The following TEC variants were observed in gnomAD, a reference collection of about 807,000 sequenced individuals.
The protein encoded by TEC is tyrosine-protein kinase Tec.
In TEC, 72 loss-of-function variants were observed where a neutral mutation model predicts 93.0. The ratio of observed to expected loss-of-function variants is 0.77; its 90% CI spans 0.64 to 0.94. The LOEUF (loss-of-function observed/expected upper bound fraction) is 0.94, where lower values mean the gene tolerates loss of function less well. TEC is among the 40% of genes least tolerant of loss of function. The pLI is 0.00. For synonymous variants in TEC, 249 were observed against 247.7 expected (o/e 1.01, Z -0.05); for missense variants, 630 against 757.9 (o/e 0.83, Z 1.98).
intron 1 of TEC, among the ~76,000 whole-genome samples, chr4:48,232,650 T>A (rs564991530): frequency 7.2e-5 from 11 of 152,360 alleles, no homozygotes; most frequent in Non-Finnish European, 1.5e-4. Context: ...CAGCCAAAGA[T>A]AGAGTGTTGA....
intron 1 of TEC, among the ~76,000 whole-genome samples, chr4:48,255,234 G>A (rs1258898246): frequency 2.0e-5 from 3 of 152,028 alleles, no homozygotes; most frequent in Non-Finnish European, 2.9e-5. Flanking sequence ...CTTGTATTGC[G>A]GCTTCCTCCA....
chr4:48,237,298 T>C (rs1179077256), intron 1 of TEC, among the ~76,000 whole-genome samples: 1 of 149,508 alleles, frequency 6.7e-6, no homozygotes, highest in African/African-American at 2.5e-5. Context: ...TCAGCCTGGG[T>C]GTTGGAGTAA....
intron 2 of TEC, 97 bp from the exon 3 acceptor site, chr4:48,176,283 G>A (rs1037361574): frequency 1.2e-6 from 1 of 827,218 alleles, no homozygotes; most frequent in Non-Finnish European, 1.9e-6. Context: ...TCAAAATATT[G>A]CAATTTCTTT....
At chr4:48,160,885 G>A (rs1242754081) in intron 8 of TEC, among the ~76,000 whole-genome samples, 4 of 150,318 alleles carry the variant, frequency 2.7e-5, no homozygotes, top group East Asian at 2.0e-4. Flanking sequence ...CAAAAGCAGC[G>A]GGTTGAAAAG....
chr4:48,204,404 A>G (rs1185755329), intron 2 of TEC, among the ~76,000 whole-genome samples: 1 of 152,076 alleles, frequency 6.6e-6, no homozygotes, highest in Non-Finnish European at 1.5e-5. Flanking sequence ...AGCCCACCCT[A>G]TGTGACTCCA....
rs1156626405 is a variant in TEC at position 48,252,333 on chromosome 4, T to TAA, written c.-46+17418_-46+17419insTT. Among the ~76,000 whole-genome samples, 7 of 152,372 alleles carry TAA rather than the reference T, an allele frequency of 4.6e-5. No individual in the cohort carries two copies. In the South Asian group the frequency reaches 8.3e-4, roughly 18 times the overall value. On this transcript the variant is annotated intron_variant, in intron 1 of 17. Coordinates refer to ENST00000381501, the MANE Select transcript of TEC (RefSeq NM_003215.3). ...CTGATCCTTAAGTCAATCCTGCTAT[T>TAA]GTTGATTAAATTGGCAAAGGCCATA...
At chr4:48,256,376 G>T (rs915280375) in intron 1 of TEC, among the ~76,000 whole-genome samples, 1 of 151,552 alleles carries the variant, frequency 6.6e-6, no homozygotes, top group Non-Finnish European at 1.5e-5. Context: ...TTGAGCCTAG[G>T]AGTTCGAGAC....
chr4:48,150,839 A>C (rs375270524), intron 10 of TEC, 24 bp downstream of exon 10: 8 of 1,476,986 alleles, frequency 5.4e-6, no homozygotes, highest in Non-Finnish European at 7.2e-6. Flanking sequence ...CTAAATTATA[A>C]AAAAAAATGG....
At chr4:48,160,414 A>G (rs1720581928) in intron 8 of TEC, among the ~76,000 whole-genome samples, 1 of 152,152 alleles carries the variant, frequency 6.6e-6, no homozygotes, top group Non-Finnish European at 1.5e-5. Context: ...GACAGGAGAA[A>G]GAGGGCCCAA....
In TEC at chr4:48,237,319, C is replaced by CA. The variant is rs34570564; in HGVS notation, c.-45-8661dup. 3.8e-3 allele frequency among the ~76,000 whole-genome samples: 458 copies of CA among 119,166 alleles called. 4 individuals carry two copies. The South Asian group carries it at 0.044, about 11-fold the overall frequency. The allele number at this position is 119,166 out of a possible 152,430, so 78.2% of individuals were successfully genotyped here. A position where few individuals can be genotyped will look rare whatever the true frequency, so the allele number is the denominator to read the frequency against. On this transcript the variant is annotated intron_variant, in intron 1 of 17. Coordinates refer to ENST00000381501, the MANE Select transcript of TEC (RefSeq NM_003215.3). ...TGGGTGTTGGAGTAAGACTCTGTCT[C>CA]AAAAAAAAAAAAAGAGAGAGAGAGA...
At chr4:48,236,352 G>A (rs1723784202) in intron 1 of TEC, among the ~76,000 whole-genome samples, 1 of 151,838 alleles carries the variant, frequency 6.6e-6, no homozygotes, top group African/African-American at 2.4e-5. Flanking sequence ...CGCAATCTCG[G>A]CTCATGGCAA....
chr4:48,166,299 A>G (rs1031706374), intron 7 of TEC, among the ~76,000 whole-genome samples: 2 of 152,194 alleles, frequency 1.3e-5, no homozygotes, highest in African/African-American at 4.8e-5. Context: ...AGAGCTCTAA[A>G]TCCAAACCGT....
chr4:48,253,028 C>T (rs1261797791), intron 1 of TEC, among the ~76,000 whole-genome samples: 1 of 152,154 alleles, frequency 6.6e-6, no homozygotes, highest in African/African-American at 2.4e-5. Context: ...TAGAATGCAG[C>T]GCTTCCCAAC....
chr4:48,174,731 T>C (rs1376791299), intron 3 of TEC, among the ~76,000 whole-genome samples: 1 of 151,958 alleles, frequency 6.6e-6, no homozygotes, highest in Admixed American at 6.6e-5. Flanking sequence ...GCATTAAACA[T>C]ACTTAAGAAG....
chr4:48,153,190 T>C (rs1471175924), intron 9 of TEC, among the ~76,000 whole-genome samples: 3 of 151,098 alleles, frequency 2.0e-5, no homozygotes, highest in Non-Finnish European at 3.0e-5. Flanking sequence ...AATATCAATG[T>C]AAATTATTTT....
intron 2 of TEC, among the ~76,000 whole-genome samples, chr4:48,205,940 T>G (rs1235638718): frequency 6.6e-6 from 1 of 152,142 alleles, no homozygotes; most frequent in Non-Finnish European, 1.5e-5. Flanking sequence ...AACCCAAATA[T>G]CCACCAACAG....
intron 2 of TEC, among the ~76,000 whole-genome samples, chr4:48,201,973 T>TTTA (rs1369117063): frequency 1.3e-5 from 2 of 148,374 alleles, no homozygotes; most frequent in Admixed American, 6.7e-5. Context: ...TTTTTTTTTT[T>TTTA]TGAGACAGAG....
chr4:48,267,910 T>C (rs760999775), intron 1 of TEC, among the ~76,000 whole-genome samples: 7 of 152,202 alleles, frequency 4.6e-5, no homozygotes, highest in Non-Finnish European at 1.0e-4. Context: ...TGGAGGAACC[T>C]GTAGGCAGAG....
At chr4:48,204,842 C>T (rs1722649975) in intron 2 of TEC, among the ~76,000 whole-genome samples, 2 of 152,162 alleles carry the variant, frequency 1.3e-5, no homozygotes, top group Non-Finnish European at 2.9e-5. Context: ...TCACCTTCTC[C>T]TGTGCAGCCC....
Sources: gnomAD v4.1 joint callset for allele counts (sites outside exome capture counted in the v4.1 genomes callset) on GRCh38, gnomAD v4.1.1 for gene constraint, MANE v1.5 for transcripts, NCBI Gene and HGNC (gene_info 2026-07-23, HGNC 2026-07-21) for gene names.